The following AGO3 variants were observed in gnomAD, a reference collection of about 807,000 sequenced individuals.
The protein encoded by AGO3 is protein argonaute-3.
Under a neutral mutation model 105.5 loss-of-function variants are expected in AGO3, and 16 were observed. That is an observed-to-expected ratio of 0.15 (90% confidence interval 0.10 to 0.23). The LOEUF is 0.23. Among genes scored for constraint, AGO3 ranks in the 10% least tolerant of loss-of-function variants. AGO3 has a pLI of 1.00. For synonymous variants in AGO3, 340 were observed against 367.3 expected, an observed-to-expected ratio of 0.93 and a Z score of 0.85; for missense variants, 534 against 1,088.0, an observed-to-expected ratio of 0.49 and a Z score of 7.16.
Position 36,027,258 on chromosome 1 carries a change from G to T in AGO3, c.1551G>T (p.Gln517His). The T allele has an allele frequency of 6.2e-7, 1 of 1,614,000 alleles. No individual in the cohort carries two copies. Among genetic ancestry groups the T allele is most frequent in the Non-Finnish European group, 8.5e-7 (1 of 1,179,926 alleles). ...RHLKNTYSGL[Q>H]LIIVILPGKT... The stretch of plus-strand genomic sequence containing the variant: ...TCAAGAACACATATTCTGGCCTACA[G>T]CTTATTATCGTCATCCTGCCGGGGA... Residue 517 changes from glutamine (Q) to histidine (H), a missense_variant, in exon 12 of 19, where the codon CAG becomes CAT. By Grantham distance (24) the Gln-to-His change is conservative. Around this residue, in one of 2 missense-constraint regions of AGO3, gnomAD observed 373 missense variants for 854.0 expected, o/e 0.44. Transcript: ENST00000373191. The surrounding 1 kb of genome is among the most constrained non-coding windows in gnomAD (Gnocchi z 4.0).
chr1:35,953,064 T>G (rs1003695322), intron 2 of AGO3, among the ~76,000 whole-genome samples: 35 of 152,308 alleles, frequency 2.3e-4, no homozygotes, highest in Non-Finnish European at 4.3e-4. Context: ...ATGTTGGATA[T>G]ATACCTAAGA....
intron 11 of AGO3, among the ~76,000 whole-genome samples, chr1:36,024,208 A>T (rs1429191887): frequency 6.7e-6 from 1 of 148,786 alleles, no homozygotes; most frequent in Non-Finnish European, 1.5e-5. Flanking sequence ...ATACAATCAC[A>T]ACTCACCGCA....
intron 5 of AGO3, among the ~76,000 whole-genome samples, chr1:35,997,893 C>T (rs1486569653): frequency 6.6e-6 from 1 of 152,112 alleles, no homozygotes; most frequent in Non-Finnish European, 1.5e-5. Context: ...GACAGGGTTT[C>T]ACCATGTTGG....
intron 6 of AGO3, among the ~76,000 whole-genome samples, chr1:36,004,733 A>G (rs536359237): frequency 6.6e-6 from 1 of 152,278 alleles, no homozygotes; most frequent in South Asian, 2.1e-4. Flanking sequence ...CTGAAGGGAT[A>G]AGAATGTCTC....
At chr1:35,986,639 G>T (rs965683064) in intron 5 of AGO3, among the ~76,000 whole-genome samples, 11 of 151,998 alleles carry the variant, frequency 7.2e-5, no homozygotes, top group Admixed American at 5.9e-4. Context: ...AGTGAGCTGA[G>T]ATCACACCTC....
intron 17 of AGO3, among the ~76,000 whole-genome samples, chr1:36,051,207 T>C (rs774704115): frequency 1.3e-5 from 2 of 152,068 alleles, no homozygotes; most frequent in Non-Finnish European, 2.9e-5. Context: ...AGTACTAGGA[T>C]TACAGTCATG....
chr1:35,989,720 T>C (rs1308593989), intron 5 of AGO3, among the ~76,000 whole-genome samples: 2 of 151,650 alleles, frequency 1.3e-5, no homozygotes, highest in African/African-American at 4.8e-5. Context: ...ACAAAAAATA[T>C]AAAAATTAGC....
rs1643067482 is a variant in AGO3, at chr1:36,064,726, T to C, written c.*8981T>C. The C allele has an allele frequency of 6.6e-6, 1 of 152,270 alleles. No homozygotes were observed. The highest frequency in any genetic ancestry group is 1.5e-5 in the Non-Finnish European group (1 of 68,066). 9.4% of individuals were successfully genotyped at this position (152,270 alleles called of 1,614,324 possible). A position where few individuals can be genotyped will look rare whatever the true frequency, so the allele number is the denominator to read the frequency against. On this transcript the variant is annotated 3_prime_UTR_variant, in exon 19 of 19. Transcript: ENST00000373191. ...TTGTAGAGATTAGCCATTTCATTTC[T>C]TTTTGCATTTTTGCCAGTTACATTA...
At chr1:35,975,870 T>G (rs899536080) in intron 5 of AGO3, among the ~76,000 whole-genome samples, 3 of 152,272 alleles carry the variant, frequency 2.0e-5, no homozygotes, top group Non-Finnish European at 2.9e-5. Context: ...TTGTTTAAGA[T>G]TACTTTCATT....
chr1:36,012,748 A>G (rs1434136040), intron 9 of AGO3, among the ~76,000 whole-genome samples: 1 of 152,094 alleles, frequency 6.6e-6, no homozygotes, highest in African/African-American at 2.4e-5. Flanking sequence ...ATCCAAAAGC[A>G]TATTAGGTTC....
At chr1:36,028,747 T>C (rs557069981) in intron 12 of AGO3, among the ~76,000 whole-genome samples, 1 of 152,258 alleles carries the variant, frequency 6.6e-6, no homozygotes, top group South Asian at 2.1e-4. Flanking sequence ...TTATAGTCCT[T>C]TGGGTATATA....
chr1:36,010,433 A>G (rs1018404657), intron 9 of AGO3, among the ~76,000 whole-genome samples: 1 of 151,876 alleles, frequency 6.6e-6, no homozygotes, highest in African/African-American at 2.4e-5. Flanking sequence ...GCAAAATGCC[A>G]TCTCTACTAA....
At chr1:35,971,105 T>TAATATATAAATTTATATTATAAATTATA (rs1646861657) in intron 3 of AGO3, among the ~76,000 whole-genome samples, 1 of 146,650 alleles carries the variant, frequency 6.8e-6, no homozygotes, top group Non-Finnish European at 1.5e-5. Context: ...AAATTATAAA[T>TAATATATAAATTTATATTATAAATTATA]AATATATAAA....
chr1:36,000,757 A>G (rs1480255041), intron 5 of AGO3, among the ~76,000 whole-genome samples: 1 of 151,326 alleles, frequency 6.6e-6, no homozygotes, highest in African/African-American at 2.4e-5. Context: ...AACATTTTTC[A>G]GTAGAAGAAT....
intron 11 of AGO3, among the ~76,000 whole-genome samples, chr1:36,026,216 C>G (rs1214804127): frequency 6.6e-6 from 1 of 152,108 alleles, no homozygotes; most frequent in Non-Finnish European, 1.5e-5. Context: ...TCAAGTGATT[C>G]TCCTGCCTCA....
At chr1:35,949,093 G>A (rs1295183835) in intron 2 of AGO3, among the ~76,000 whole-genome samples, 1 of 152,100 alleles carries the variant, frequency 6.6e-6, no homozygotes, top group Admixed American at 6.6e-5. Context: ...ACAGGCATGT[G>A]CCATCATGCC....
chr1:35,951,634 C>T (rs1208331401), intron 2 of AGO3, among the ~76,000 whole-genome samples: 1 of 152,120 alleles, frequency 6.6e-6, no homozygotes, highest in Non-Finnish European at 1.5e-5. Flanking sequence ...AGACATCCAC[C>T]CACCTTGGCC....
chr1:36,018,667 G>A (rs1641043309), intron 11 of AGO3, among the ~76,000 whole-genome samples: 2 of 152,134 alleles, frequency 1.3e-5, no homozygotes, highest in South Asian at 2.1e-4. Context: ...TCCTGACCTC[G>A]TGATTCACCC....
intron 8 of AGO3, 30 bp from the exon 9 acceptor site, chr1:36,009,445 A>G (rs1640487316): frequency 1.3e-6 from 2 of 1,594,694 alleles, no homozygotes; most frequent in Admixed American, 1.8e-5. Flanking sequence ...AGATATATAC[A>G]TGTAGTACAA....
Sources: allele counts gnomAD v4.1 joint callset (sites outside exome capture counted in the v4.1 genomes callset), GRCh38; gene constraint gnomAD v4.1.1; regional missense constraint gnomAD v4.1.1; non-coding constraint Gnocchi (gnomAD v3.1); transcripts MANE v1.5; gene names NCBI Gene and HGNC (gene_info 2026-07-23, HGNC 2026-07-21).